The following NEBL variants were observed in gnomAD, a reference collection of about 807,000 sequenced individuals.
NEBL encodes nebulette, also known as LIM and SH3 protein 2.
Under a neutral mutation model 140.2 loss-of-function variants are expected in NEBL, and 122 were observed. The ratio of observed to expected loss-of-function variants is 0.87; its 90% confidence interval spans 0.75 to 1.01. NEBL has a LOEUF of 1.01. Ranked by LOEUF, NEBL falls within the 50% of genes least tolerant of loss-of-function variation. The pLI, the probability that NEBL is intolerant of heterozygous loss-of-function variation, is 0.00. For synonymous variants in NEBL, 436 were observed against 398.9 expected, an observed-to-expected ratio of 1.09 and a Z score of -1.11; for missense variants, 1,365 against 1,231.3, an observed-to-expected ratio of 1.11 and a Z score of -1.62.
intron 4 of NEBL, among the ~76,000 whole-genome samples, chr10:20,925,930 G>T (rs1214988643): frequency 6.6e-6 from 1 of 152,140 alleles, no homozygotes; most frequent in Non-Finnish European, 1.5e-5. Context: ...AGGTGTCCTG[G>T]AAAGAGTAGG....
rs1020406328 is a variant in NEBL at position 20,783,103 on chromosome 10, A to C, written c.*2644T>G. 4.6e-5 allele frequency: 7 copies of C among 152,638 alleles called. No individual in the cohort carries two copies. The highest frequency in any genetic ancestry group is 8.8e-5 in the Non-Finnish European group (6 of 68,044). The allele number at this position is 152,638 out of a possible 1,614,324, so 9.5% of individuals were successfully genotyped here. A position where few individuals can be genotyped will look rare whatever the true frequency, so the allele number is the denominator to read the frequency against. On this transcript the variant is annotated 3_prime_UTR_variant, in exon 28 of 28. Transcript: ENST00000377122. The stretch of plus-strand genomic sequence containing the variant: ...TCTTCTTTAGCTGTCAGCTTCATGC[A>C]CGAGATACCTGTTGCCAAACCAAAG...
intron 8 of NEBL, among the ~76,000 whole-genome samples, chr10:20,858,695 A>C (rs1042505706): frequency 6.6e-6 from 1 of 152,198 alleles, no homozygotes; most frequent in Admixed American, 6.5e-5. Context: ...CTTTGTGGAG[A>C]TCTGAGGATT....
chr10:21,166,563 C>T (rs1482008956), intron 2 of NEBL, among the ~76,000 whole-genome samples: 1 of 152,218 alleles, frequency 6.6e-6, no homozygotes, highest in Non-Finnish European at 1.5e-5. Flanking sequence ...AAGACGGACA[C>T]TACTGTTTCC....
intron 2 of NEBL, among the ~76,000 whole-genome samples, chr10:21,028,558 G>C (rs974415153): frequency 1.3e-5 from 2 of 152,114 alleles, no homozygotes; most frequent in Admixed American, 1.3e-4. Context: ...TGGACAATAA[G>C]TTGAGAGGGC....
At chr10:20,852,786 G>A (rs1299465999) in intron 9 of NEBL, 137 bp from the exon 10 acceptor site, 3 of 774,006 alleles carry the variant, frequency 3.9e-6, no homozygotes, top group African/African-American at 1.7e-5. Flanking sequence ...GCAGTTGGCT[G>A]GCAGGTAGGA....
intron 4 of NEBL, among the ~76,000 whole-genome samples, chr10:20,936,527 T>C (rs142189805): frequency 3.7e-4 from 56 of 152,338 alleles, no homozygotes; most frequent in African/African-American, 1.2e-3. Context: ...ATTAACTATG[T>C]CTGTTCCCCA....
At chr10:21,268,889 T>C (rs533878540) in intron 1 of NEBL, among the ~76,000 whole-genome samples, 2 of 152,310 alleles carry the variant, frequency 1.3e-5, no homozygotes, top group Admixed American at 6.5e-5. Flanking sequence ...ACAATTGGCA[T>C]ACAACTCATA....
chr10:21,064,532 C>T (rs895752509), intron 2 of NEBL, among the ~76,000 whole-genome samples: 1 of 152,250 alleles, frequency 6.6e-6, no homozygotes, highest in African/African-American at 2.4e-5. Context: ...TTACAAGTCT[C>T]GTTTTATTAA....
intron 2 of NEBL, among the ~76,000 whole-genome samples, chr10:21,107,930 T>G (rs1275388112): frequency 2.6e-5 from 4 of 152,346 alleles, no homozygotes; most frequent in Non-Finnish European, 5.9e-5. Context: ...TATCCATGTC[T>G]TCTAGATTTT....
chr10:21,023,564 G>A (rs973981537), intron 2 of NEBL, among the ~76,000 whole-genome samples: 18 of 152,088 alleles, frequency 1.2e-4, no homozygotes, highest in African/African-American at 3.6e-4. Flanking sequence ...GCATGGTGGC[G>A]CACACCTGTA....
chr10:20,908,673 G>A (rs1848201168), intron 4 of NEBL, among the ~76,000 whole-genome samples: 2 of 152,142 alleles, frequency 1.3e-5, no homozygotes, highest in Non-Finnish European at 1.5e-5. Context: ...TCTCTGCTCT[G>A]CAGCATAATC....
At chr10:20,940,694 C>G (rs1469173724) in intron 4 of NEBL, among the ~76,000 whole-genome samples, 3 of 145,528 alleles carry the variant, frequency 2.1e-5, no homozygotes, top group Admixed American at 1.4e-4. Flanking sequence ...GCTAGCAAGA[C>G]TAATAAAGAA....
chr10:21,198,711 G>A (rs1459557750), intron 3 of NEBL, among the ~76,000 whole-genome samples: 1 of 151,966 alleles, frequency 6.6e-6, no homozygotes, highest in Non-Finnish European at 1.5e-5. Flanking sequence ...CCCTCCCACT[G>A]CCAGCACCAG....
intron 13 of NEBL, among the ~76,000 whole-genome samples, chr10:20,839,307 A>AT (rs1399990116): frequency 1.3e-5 from 2 of 152,198 alleles, no homozygotes; most frequent in Non-Finnish European, 2.9e-5. Flanking sequence ...CTGCATGTGG[A>AT]TTGGACATGT....
intron 2 of NEBL, among the ~76,000 whole-genome samples, chr10:21,099,771 C>T (rs1201408017): frequency 6.6e-6 from 1 of 152,112 alleles, no homozygotes; most frequent in Non-Finnish European, 1.5e-5. Flanking sequence ...TTAAAATCAC[C>T]TTGAATGTTG....
chr10:21,229,366 A>C (rs1842213778), intron 3 of NEBL, among the ~76,000 whole-genome samples: 2 of 152,320 alleles, frequency 1.3e-5, no homozygotes, highest in East Asian at 1.9e-4. Flanking sequence ...GTCTGCAATG[A>C]GCCGTGATCA....
At chr10:20,909,353 A>C (rs1175249031) in intron 4 of NEBL, among the ~76,000 whole-genome samples, 5 of 151,618 alleles carry the variant, frequency 3.3e-5, no homozygotes, top group African/African-American at 1.2e-4. Context: ...CCATGAGCTC[A>C]ATTCTTTTGA....
intron 2 of NEBL, among the ~76,000 whole-genome samples, chr10:21,150,625 T>C (rs1840100769): frequency 6.6e-6 from 1 of 152,244 alleles, no homozygotes; most frequent in South Asian, 2.1e-4. Flanking sequence ...ATTATCTGTG[T>C]AAATCCATTT....
At chr10:21,020,302 T>A in intron 2 of NEBL, 2 of 1,022,680 alleles carry the variant, frequency 2.0e-6, no homozygotes, top group Non-Finnish European at 3.0e-6. Context: ...CCCAACCCCA[T>A]CACAGTGGAA....
Sources: gnomAD v4.1 joint callset for allele counts (sites outside exome capture counted in the v4.1 genomes callset) on GRCh38, gnomAD v4.1.1 for gene constraint, MANE v1.5 for transcripts, NCBI Gene and HGNC (gene_info 2026-07-23, HGNC 2026-07-21) for gene names.